The following WBP2NL variants were observed in gnomAD, a reference collection of about 807,000 sequenced individuals.
WBP2NL encodes postacrosomal sheath WW domain-binding protein.
In WBP2NL, 27 loss-of-function variants were observed where a neutral mutation model predicts 23.3. The ratio of observed to expected loss-of-function variants is 1.16; its 90% CI spans 0.85 to 1.60. WBP2NL has a LOEUF of 1.60. Among genes scored for constraint, WBP2NL ranks in the 40% most tolerant of loss-of-function variants. The pLI is 0.00. For missense variants in WBP2NL, 370 were observed against 389.5 expected, an observed-to-expected ratio of 0.95 and a Z score of 0.42; for synonymous variants, 151 against 145.9, an observed-to-expected ratio of 1.03 and a Z score of -0.25.
Position 42,026,998 on chromosome 22 carries a change from T to A in WBP2NL, c.747T>A (p.Pro249=), listed in dbSNP as rs750352115. ...CACCTCTTGGATATGGAACCCCACC[T>A]CTCGGATATGGAGCCCCACCTCTCG... ...GAPPLGYGTP[P]LGYGAPPLGY... The change falls in exon 6 of 6, where the codon CCT becomes CCA. Residue 249 remains proline (P), a synonymous_variant. Coordinates refer to ENST00000328823, the MANE Select transcript of WBP2NL (RefSeq NM_152613.3). The A allele has an allele frequency of 4.3e-6, 7 of 1,610,028 alleles. No individual in the cohort carries two copies. In the South Asian group the frequency reaches 6.6e-5, roughly 15 times the overall value.
chr22:41,999,516 C>G (rs979006363), intron 1 of WBP2NL, among the ~76,000 whole-genome samples: 1 of 152,206 alleles, frequency 6.6e-6, no homozygotes, highest in African/African-American at 2.4e-5. Context: ...GGTGCAGTGG[C>G]TCATGCCTCT....
intron 1 of WBP2NL, among the ~76,000 whole-genome samples, chr22:42,014,850 T>C (rs899992872): frequency 2.6e-5 from 4 of 152,254 alleles, no homozygotes; most frequent in African/African-American, 9.6e-5. Flanking sequence ...CTCTACTTCC[T>C]GAGACTTTGT....
In WBP2NL at chr22:42,018,921, A is replaced by T. The variant is rs1156320607; in HGVS notation, c.63-390A>T. On this transcript the variant is annotated intron_variant, in intron 1 of 5. Coordinates refer to ENST00000328823, the MANE Select transcript of WBP2NL (RefSeq NM_152613.3). ...TTATTGAGTGCTTACTCTGGAAAAA[A>T]AAAAAAAAAAACTACATTAAGGGCC... 4.6e-5 allele frequency among the ~76,000 whole-genome samples: 7 copies of T among 151,870 alleles called. No homozygotes were observed. In the East Asian group the frequency reaches 1.4e-3, roughly 29 times the overall value.
chr22:42,017,919 C>T (rs1365052810), intron 1 of WBP2NL, among the ~76,000 whole-genome samples: 6 of 151,894 alleles, frequency 4.0e-5, no homozygotes, highest in Non-Finnish European at 5.9e-5. Flanking sequence ...GAGGTCGAGG[C>T]GGGCGGATCA....
chr22:42,001,007 C>T, intron 1 of WBP2NL: 2 of 580,276 alleles, frequency 3.4e-6, no homozygotes, highest in Admixed American at 5.3e-5. Context: ...AAAAAGAATG[C>T]TCAAGATATG....
At chr22:42,001,005 T>G in intron 1 of WBP2NL, 1 of 554,506 alleles carries the variant, frequency 1.8e-6, no homozygotes, top group Admixed American at 2.8e-5. Flanking sequence ...AAAAAAAGAA[T>G]GCTCAAGATA....
chr22:42,022,404 A>G (rs1924063789), intron 5 of WBP2NL, 48 bp downstream of exon 5: 7 of 1,494,302 alleles, frequency 4.7e-6, no homozygotes, highest in Non-Finnish European at 5.5e-6. Context: ...AAATTATGCC[A>G]GAGGCTCAAA....
intron 8 of WBP2NL, among the ~76,000 whole-genome samples, chr22:42,052,761 T>C (rs1490119970): frequency 6.6e-6 from 1 of 152,222 alleles, no homozygotes; most frequent in African/African-American, 2.4e-5. Flanking sequence ...CCTGGAGATC[T>C]GGCCAGTCCT....
intron 8 of WBP2NL, among the ~76,000 whole-genome samples, chr22:42,057,795 G>GT (rs980292651): frequency 1.8e-5 from 2 of 114,038 alleles, no homozygotes; most frequent in South Asian, 3.1e-4. Context: ...TTAAAATTAT[G>GT]TTTTTTTAGA....
At chr22:42,049,330 C>T (rs1925724935) in intron 8 of WBP2NL, among the ~76,000 whole-genome samples, 1 of 152,120 alleles carries the variant, frequency 6.6e-6, no homozygotes, top group African/African-American at 2.4e-5. Context: ...ACAGACTTTA[C>T]ACTTTTCATA....
chr22:42,009,445 G>T (rs1209085592), intron 1 of WBP2NL, among the ~76,000 whole-genome samples: 2 of 151,988 alleles, frequency 1.3e-5, no homozygotes, highest in Non-Finnish European at 2.9e-5. Flanking sequence ...ATAGTTTTGG[G>T]TCTTATGTTT....
intron 8 of WBP2NL, among the ~76,000 whole-genome samples, chr22:42,046,497 T>C (rs1282799688): frequency 6.6e-6 from 1 of 152,260 alleles, no homozygotes; most frequent in Non-Finnish European, 1.5e-5. Context: ...GCCACATTTA[T>C]TGATAAACAG....
At position 42,026,920 on chromosome 22, in the gene WBP2NL, A is replaced by C. The variant is rs777014064; in HGVS notation, c.669A>C (p.Gly223=). The change falls in exon 6 of 6, where the codon GGA becomes GGC. Residue 223 remains glycine, a synonymous_variant. Transcript: ENST00000328823. The stretch of plus-strand genomic sequence containing the variant: ...TGCGATATGGAGCCCCACCTCTTGG[A>C]TACGGAGCCCCACCTGCAGGATATG... ...SPVRYGAPPL[G]YGAPPAGYGA... The C allele has an allele frequency of 3.5e-5, 56 of 1,611,490 alleles. No individual in the cohort carries two copies. Among genetic ancestry groups the C allele is most frequent in the Non-Finnish European group, 4.7e-5 (56 of 1,179,338 alleles).
intron 8 of WBP2NL, among the ~76,000 whole-genome samples, chr22:42,045,399 C>T (rs1656330914): frequency 6.6e-6 from 1 of 152,150 alleles, no homozygotes; most frequent in Non-Finnish European, 1.5e-5. Flanking sequence ...CACTGCACTC[C>T]AGCCTGGGCG....
intron 1 of WBP2NL, among the ~76,000 whole-genome samples, chr22:42,015,515 G>C (rs970133603): frequency 6.6e-6 from 1 of 151,934 alleles, no homozygotes; most frequent in African/African-American, 2.4e-5. Flanking sequence ...CAATTCTCCT[G>C]CCTCAGCCTC....
chr22:42,044,675 G>A (rs1044749014), intron 8 of WBP2NL, among the ~76,000 whole-genome samples: 6 of 152,154 alleles, frequency 3.9e-5, no homozygotes, highest in African/African-American at 1.4e-4. Context: ...ATGGTGGTGT[G>A]TGCCTGTTAG....
chr22:41,999,628 C>G (rs1794507925), intron 1 of WBP2NL, among the ~76,000 whole-genome samples: 1 of 152,122 alleles, frequency 6.6e-6, no homozygotes, highest in Non-Finnish European at 1.5e-5. Flanking sequence ...ATTAGTGGGC[C>G]ATGGTGGTGT....
rs184513281 is a variant in WBP2NL at position 42,048,396 on chromosome 22, A to G, written c.*274-9894A>G. 3.0e-3 allele frequency among the ~76,000 whole-genome samples: 449 copies of G among 151,724 alleles called. 11 individuals are homozygous for G. Among genetic ancestry groups the G allele is most frequent in the Admixed American group, 0.027 (409 of 15,238 alleles). On this transcript the variant is annotated intron_variant and NMD_transcript_variant, in intron 8 of 8. Coordinates refer to the WBP2NL transcript ENST00000436265. Reference sequence around the variant, plus strand: ...AGCAAGACTCCATCTCAAAAAAAAAAAAGAAGAAAAATATATCAATAGATA... The same window carrying G: ...AGCAAGACTCCATCTCAAAAAAAAAGAAGAAGAAAAATATATCAATAGATA...
At chr22:42,021,699 G>A (rs1923990866) in intron 4 of WBP2NL, among the ~76,000 whole-genome samples, 1 of 152,010 alleles carries the variant, frequency 6.6e-6, no homozygotes, top group Admixed American at 6.5e-5. Context: ...GCTATGCTAG[G>A]CCTGGAATAA....
Sources: allele counts gnomAD v4.1 joint callset (sites outside exome capture counted in the v4.1 genomes callset), GRCh38; gene constraint gnomAD v4.1.1; transcripts MANE v1.5; gene names NCBI Gene and HGNC (gene_info 2026-07-23, HGNC 2026-07-21).